EIF4G3: variants seen among roughly 807,000 people sequenced by gnomAD.
EIF4G3 encodes the protein eIF-4-gamma 3.
Under a neutral mutation model 186.4 loss-of-function variants are expected in EIF4G3, and 34 were observed. The ratio of observed to expected loss-of-function variants is 0.18; its 90% CI spans 0.14 to 0.24. EIF4G3 has a LOEUF of 0.24. Among genes scored for constraint, EIF4G3 ranks in the 10% least tolerant of loss-of-function variants. EIF4G3 has a pLI of 1.00. For synonymous variants in EIF4G3, 673 were observed against 679.5 expected (o/e 0.99, Z 0.15); for missense variants, 1,536 against 1,948.5 (o/e 0.79, Z 3.99).
intron 32 of EIF4G3, 140 bp from the exon 33 acceptor site, chr1:20,825,338 T>G (rs534538551): frequency 1.6e-6 from 1 of 638,904 alleles, no homozygotes; most frequent in Non-Finnish European, 2.6e-6. Context: ...CAGCAGGGCA[T>G]GGTGGTGCAC....
chr1:20,943,591 T>C (rs1460564240), intron 13 of EIF4G3, among the ~76,000 whole-genome samples: 6 of 152,200 alleles, frequency 3.9e-5, no homozygotes, highest in Non-Finnish European at 7.3e-5. Context: ...AGTATGTTTA[T>C]CAAATGACAA....
At chr1:21,100,483 C>G (rs1052116259) in intron 2 of EIF4G3, among the ~76,000 whole-genome samples, 1 of 152,192 alleles carries the variant, frequency 6.6e-6, no homozygotes, top group East Asian at 1.9e-4. Flanking sequence ...TGTTCTACCA[C>G]TCTCACCCCA....
intron 2 of EIF4G3, among the ~76,000 whole-genome samples, chr1:21,134,558 TACTCGG>T (rs1434127266): frequency 6.6e-6 from 1 of 152,124 alleles, no homozygotes; most frequent in African/African-American, 2.4e-5. Context: ...TAGTCCCAGC[TACTCGG>T]GCGCTGATTC....
chr1:20,809,975 C>CA (rs2058911124), intron 36 of EIF4G3, among the ~76,000 whole-genome samples: 1 of 150,652 alleles, frequency 6.6e-6, no homozygotes, highest in Non-Finnish European at 1.5e-5. Flanking sequence ...ATAACAAATT[C>CA]ATTTTTTTTT....
chr1:21,161,162 C>T (rs2102945851), intron 2 of EIF4G3, among the ~76,000 whole-genome samples: 1 of 149,650 alleles, frequency 6.7e-6, no homozygotes, highest in Non-Finnish European at 1.5e-5. Flanking sequence ...GAGAGAGAGA[C>T]TCCATCTCAT....
chr1:20,835,061 GT>G (rs34707083), intron 30 of EIF4G3, among the ~76,000 whole-genome samples: 143,692 of 152,276 alleles, frequency 0.94, 68,343 homozygotes, highest in Middle Eastern at 1. Flanking sequence ...CTTGAACTCA[GT>G]TAACAGGAGA....
chr1:20,822,171 T>C (rs2062547287), intron 33 of EIF4G3, among the ~76,000 whole-genome samples: 1 of 152,180 alleles, frequency 6.6e-6, no homozygotes, highest in Admixed American at 6.5e-5. Flanking sequence ...CCACCACGCC[T>C]GGCTGATGTA....
chr1:20,964,328 A>G (rs1209225139), intron 12 of EIF4G3, among the ~76,000 whole-genome samples: 1 of 151,890 alleles, frequency 6.6e-6, no homozygotes, highest in Non-Finnish European at 1.5e-5. Context: ...CTCGTGAGCC[A>G]TGATATCCAG....
chr1:21,060,799 A>C (rs1372226728), intron 3 of EIF4G3, among the ~76,000 whole-genome samples: 4 of 139,374 alleles, frequency 2.9e-5, no homozygotes, highest in South Asian at 2.2e-4. Context: ...AAAAAAAAAA[A>C]AAAAACAAAG....
intron 24 of EIF4G3, among the ~76,000 whole-genome samples, chr1:20,857,908 C>T (rs1002989474): frequency 1.3e-5 from 2 of 152,116 alleles, no homozygotes; most frequent in African/African-American, 4.8e-5. Context: ...GCTTTATTTC[C>T]CAAATCTGCT....
chr1:20,999,455 G>T, intron 6 of EIF4G3: 1 of 301,742 alleles, frequency 3.3e-6, no homozygotes, highest in African/African-American at 2.2e-5. Context: ...TGGAAGAGAG[G>T]GGCCATGTTA....
intron 12 of EIF4G3, among the ~76,000 whole-genome samples, chr1:20,967,967 T>C (rs183021061): frequency 6.6e-6 from 1 of 152,056 alleles, no homozygotes; most frequent in African/African-American, 2.4e-5. Context: ...CTTTAGACAA[T>C]TTTTTTTAAG....
intron 4 of EIF4G3, among the ~76,000 whole-genome samples, chr1:21,040,845 TG>T (rs2093530455): frequency 6.6e-6 from 1 of 152,204 alleles, no homozygotes; most frequent in African/African-American, 2.4e-5. Flanking sequence ...AGCTGAGTCT[TG>T]GCCAATCCCA....
intron 19 of EIF4G3, among the ~76,000 whole-genome samples, chr1:20,884,309 C>G (rs548061429): frequency 6.6e-6 from 1 of 152,064 alleles, no homozygotes; most frequent in Non-Finnish European, 1.5e-5. Flanking sequence ...AAACAGATTA[C>G]GAGTTATAAC....
At chr1:20,893,402 C>T in intron 18 of EIF4G3, 115 bp downstream of exon 18, 4 of 1,150,482 alleles carry the variant, frequency 3.5e-6, no homozygotes, top group Non-Finnish European at 3.6e-6. Context: ...TTTGCCTCTT[C>T]TTCTTCTTCT....
intron 33 of EIF4G3, among the ~76,000 whole-genome samples, chr1:20,821,382 C>T (rs1434769896): frequency 2.0e-5 from 3 of 152,184 alleles, no homozygotes; most frequent in Non-Finnish European, 4.4e-5. Context: ...GCAAAATTCC[C>T]AAATTCACTG....
At chr1:21,122,808 C>A (rs931448992) in intron 2 of EIF4G3, among the ~76,000 whole-genome samples, 5 of 152,128 alleles carry the variant, frequency 3.3e-5, no homozygotes, top group Non-Finnish European at 7.3e-5. Context: ...GTTTGTATTA[C>A]ACATATGGAT....
chr1:20,921,585 A>G (rs2094497762), intron 14 of EIF4G3, among the ~76,000 whole-genome samples: 1 of 152,218 alleles, frequency 6.6e-6, no homozygotes, highest in South Asian at 2.1e-4. Flanking sequence ...CTCAAATTAT[A>G]CCAAGATCTG....
chr1:21,053,299 G>T (rs1441627434), intron 3 of EIF4G3, among the ~76,000 whole-genome samples: 1 of 151,336 alleles, frequency 6.6e-6, no homozygotes, highest in Non-Finnish European at 1.5e-5. Context: ...GAGCCCCTCC[G>T]CCCGGCAGCC....
Sources: gnomAD v4.1 joint callset for allele counts (sites outside exome capture counted in the v4.1 genomes callset) on GRCh38, gnomAD v4.1.1 for gene constraint, MANE v1.5 for transcripts, NCBI Gene and HGNC (gene_info 2026-07-23, HGNC 2026-07-21) for gene names.